The following DNAH8 variants were observed in gnomAD, a reference collection of about 807,000 sequenced individuals.
DNAH8 encodes axonemal beta dynein heavy chain 8.
A neutral mutation model predicts 562.1 loss-of-function variants in DNAH8; 382 were observed. The ratio of observed to expected loss-of-function variants is 0.68; its 90% CI spans 0.63 to 0.74. DNAH8 has a LOEUF of 0.74. Among genes scored for constraint, DNAH8 ranks in the 30% least tolerant of loss-of-function variants. The pLI, the probability that DNAH8 is intolerant of heterozygous loss-of-function variation, is 0.00. For synonymous variants in DNAH8, 1,881 were observed against 1,919.4 expected (o/e 0.98, Z 0.52); for missense variants, 5,203 against 5,620.4 (o/e 0.93, Z 2.37).
At chr6:38,975,494 G>T (rs1283474044) in intron 85 of DNAH8, among the ~76,000 whole-genome samples, 1 of 152,128 alleles carries the variant, frequency 6.6e-6, no homozygotes, top group Non-Finnish European at 1.5e-5. Flanking sequence ...AGATGGAGGG[G>T]AACTTAATGC....
chr6:38,886,095 G>A (rs1214729318), intron 56 of DNAH8, among the ~76,000 whole-genome samples: 2 of 151,314 alleles, frequency 1.3e-5, no homozygotes, highest in Non-Finnish European at 3.0e-5. Flanking sequence ...TGAAGCTAGA[G>A]TTATAGATAT....
intron 25 of DNAH8, 35 bp from the exon 26 acceptor site, chr6:38,815,433 C>T (rs763835210): frequency 2.8e-5 from 43 of 1,542,908 alleles, no homozygotes; most frequent in East Asian, 2.3e-4. Context: ...CTGTATGTGC[C>T]GGCAGTATTA....
intron 11 of DNAH8, among the ~76,000 whole-genome samples, chr6:38,765,999 G>T (rs920638762): frequency 2.0e-5 from 3 of 152,108 alleles, no homozygotes; most frequent in Admixed American, 6.5e-5. Context: ...CTGTCTCAAA[G>T]AGATATCTGC....
intron 10 of DNAH8, 106 bp downstream of exon 10, chr6:38,756,185 G>A: frequency 1.4e-6 from 1 of 722,040 alleles, no homozygotes; most frequent in East Asian, 2.6e-5. Context: ...GCCTCTCAGA[G>A]TTTTAATACT....
intron 82 of DNAH8, among the ~76,000 whole-genome samples, chr6:38,971,279 C>T (rs986737507): frequency 2.6e-5 from 4 of 152,134 alleles, no homozygotes; most frequent in African/African-American, 4.8e-5. Context: ...ATTGTAGTTG[C>T]CTCTCCCACC....
At chr6:38,919,837 A>C (rs1229552169) in intron 70 of DNAH8, among the ~76,000 whole-genome samples, 1 of 152,176 alleles carries the variant, frequency 6.6e-6, no homozygotes, top group African/African-American at 2.4e-5. Context: ...TACATACATC[A>C]AAGAAACTAA....
chr6:38,875,275 G>A (rs1777907140), intron 52 of DNAH8, among the ~76,000 whole-genome samples: 1 of 152,192 alleles, frequency 6.6e-6, no homozygotes. Flanking sequence ...TACCTTAGCT[G>A]CTTACATCGA....
At chr6:38,855,039 A>ACT (rs1776079191) in intron 41 of DNAH8, among the ~76,000 whole-genome samples, 1 of 149,602 alleles carries the variant, frequency 6.7e-6, no homozygotes, top group African/African-American at 2.4e-5. Context: ...TCACATAAGT[A>ACT]TATATGAATA....
In DNAH8 at chr6:38,756,090, G is replaced by A. The variant is rs2127600725; in HGVS notation, c.1515+11G>A. On this transcript the variant is annotated intron_variant, in intron 10 of 92. Coordinates refer to ENST00000327475, the MANE Select transcript of DNAH8 (RefSeq NM_001206927.2). The stretch of plus-strand genomic sequence containing the variant: ...TCATTGTTTATCAAGGTAAGTTTCT[G>A]TGGGAGGAAATTACATGTCATCCTG... 1.4e-6 allele frequency: 2 copies of A among 1,467,016 alleles called. No homozygotes were observed. Among genetic ancestry groups the A allele is most frequent in the South Asian group, 1.1e-5 (1 of 87,864 alleles). 90.9% of individuals were successfully genotyped at this position (1,467,016 alleles called of 1,614,324 possible). A position where few individuals can be genotyped will look rare whatever the true frequency, so the allele number is the denominator to read the frequency against.
intron 41 of DNAH8, among the ~76,000 whole-genome samples, chr6:38,854,677 C>A (rs544974224): frequency 6.6e-6 from 1 of 152,004 alleles, no homozygotes; most frequent in African/African-American, 2.4e-5. Flanking sequence ...TTTCTCCAGA[C>A]CCTGTATATC....
At chr6:38,732,929 C>G (rs180719986) in intron 4 of DNAH8, among the ~76,000 whole-genome samples, 1 of 151,978 alleles carries the variant, frequency 6.6e-6, no homozygotes, top group African/African-American at 2.4e-5. Context: ...CACTAGGTTG[C>G]CCAGGCTGGA....
chr6:38,924,542 T>G (rs1377704177), intron 73 of DNAH8, among the ~76,000 whole-genome samples: 1 of 152,192 alleles, frequency 6.6e-6, no homozygotes, highest in East Asian at 1.9e-4. Context: ...ATTGAATTTT[T>G]TCTTTAACTG....
chr6:38,898,915 G>A (rs1045999343), intron 61 of DNAH8, among the ~76,000 whole-genome samples: 23 of 152,108 alleles, frequency 1.5e-4, no homozygotes, highest in Non-Finnish European at 1.8e-4. Context: ...ACCATTCACC[G>A]TGGCTAGATC....
rs779727583 is a variant in DNAH8 at position 38,741,771 on chromosome 6, T to C, written c.1177T>C (p.Leu393=). 2 of 1,614,054 alleles carry C rather than the reference T, an allele frequency of 1.2e-6. No individual in the cohort carries two copies. ...EAGDSGPLTE[L]EHWKRMSAKF... is the part of the protein sequence containing the mutation. Reference sequence around the variant, plus strand: ...TGGTGATTCAGGTCCACTCACTGAATTGGAACACTGGAAACGCATGTCAGC... The same window carrying C: ...TGGTGATTCAGGTCCACTCACTGAACTGGAACACTGGAAACGCATGTCAGC... Residue 393 remains leucine (L), a synonymous_variant, in exon 8 of 93, where the codon TTG becomes CTG. Transcript: ENST00000327475.
Position 38,896,176 on chromosome 6 carries a change from G to A in DNAH8, c.8891G>A (p.Gly2964Asp). 6.2e-7 allele frequency: 1 copy of A among 1,613,734 alleles called. No homozygotes were observed. Among genetic ancestry groups the A allele is most frequent in the East Asian group, 2.2e-5 (1 of 44,846 alleles). Residue 2964 changes from glycine (G) to aspartate (D), a missense_variant, in exon 60 of 93, where the codon GGT (glycine) becomes GAT (aspartate). By Grantham distance (94) the Gly-to-Asp change is moderately conservative. Around this residue, in one of 6 missense-constraint regions of DNAH8, gnomAD observed 977 missense variants for 1,061.8 expected, o/e 0.92. Coordinates refer to ENST00000327475, the MANE Select transcript of DNAH8 (RefSeq NM_001206927.2). ...CTTCGTGAGATGCCAGAACCAACTG[G>A]TGATGAACCTGAAGACTCTGTGTTT... ...DFLREMPEPT[G>D]DEPEDSVFEV...
Position 39,030,459 on chromosome 6 carries a change from G to A in DNAH8, c.*67G>A, listed in dbSNP as rs1583599234. On this transcript the variant is annotated 3_prime_UTR_variant, in exon 93 of 93. Transcript: ENST00000327475. ...AGCCTGTGCTATTGAGGGACTCAGTGATGTGTGTGTCTTTTCTCCCCAGTA... is the reference window on the plus strand; with the variant it reads ...AGCCTGTGCTATTGAGGGACTCAGTAATGTGTGTGTCTTTTCTCCCCAGTA... The A allele has an allele frequency of 1.5e-6, 2 of 1,368,812 alleles. No homozygotes were observed. Among genetic ancestry groups the A allele is most frequent in the East Asian group, 4.6e-5 (2 of 43,296 alleles). The allele number at this position is 1,368,812 out of a possible 1,614,324, so 84.8% of individuals were successfully genotyped here. A position where few individuals can be genotyped will look rare whatever the true frequency, so the allele number is the denominator to read the frequency against.
At chr6:38,725,994 A>G (rs1763186927) in intron 3 of DNAH8, among the ~76,000 whole-genome samples, 1 of 152,138 alleles carries the variant, frequency 6.6e-6, no homozygotes, top group South Asian at 2.1e-4. Context: ...AGCCTCTCTA[A>G]GCAATTGGTG....
At chr6:38,733,204 C>A (rs1027968397) in intron 4 of DNAH8, among the ~76,000 whole-genome samples, 2 of 145,702 alleles carry the variant, frequency 1.4e-5, no homozygotes, top group East Asian at 3.9e-4. Flanking sequence ...TTTTCTATTT[C>A]TTTTATTACA....
intron 1 of DNAH8, among the ~76,000 whole-genome samples, chr6:38,718,131 G>A (rs958972848): frequency 4.6e-5 from 7 of 152,026 alleles, no homozygotes; most frequent in African/African-American, 1.2e-4. Flanking sequence ...ACAATTAGTG[G>A]GCCCTTCATT....
Sources: allele counts gnomAD v4.1 joint callset (sites outside exome capture counted in the v4.1 genomes callset), GRCh38; gene constraint gnomAD v4.1.1; regional missense constraint gnomAD v4.1.1; transcripts MANE v1.5; gene names NCBI Gene and HGNC (gene_info 2026-07-23, HGNC 2026-07-21).